Variants in PRORP observed in about 807,000 individuals in gnomAD.
PRORP encodes mitochondrial ribonuclease P catalytic subunit.
In PRORP, 51 loss-of-function variants were observed where a neutral mutation model predicts 59.4. The ratio of observed to expected loss-of-function variants is 0.86; its 90% CI spans 0.69 to 1.08. The LOEUF (loss-of-function observed/expected upper bound fraction) is 1.08. PRORP is among the 50% of genes least tolerant of loss of function. The pLI is 0.00. For synonymous variants in PRORP, 231 were observed against 245.6 expected (o/e 0.94, Z 0.55); for missense variants, 646 against 690.3 (o/e 0.94, Z 0.72).
chr14:35,159,449 G>C (rs1349766461), intron 4 of PRORP, among the ~76,000 whole-genome samples: 6 of 151,952 alleles, frequency 3.9e-5, no homozygotes, highest in Non-Finnish European at 8.8e-5. Context: ...CTTTGAACTT[G>C]TAGCATTTAT....
At chr14:35,240,294 CTTTTTT>C (rs3058452) in intron 5 of PRORP, among the ~76,000 whole-genome samples, 1 of 109,430 alleles carries the variant, frequency 9.1e-6, no homozygotes, top group African/African-American at 3.5e-5. Context: ...TTTAAACCAT[CTTTTTT>C]TTTTTTTTTT....
At chr14:35,270,227 A>G (rs1374866729) in intron 6 of PRORP, among the ~76,000 whole-genome samples, 174 bp from the exon 7 acceptor site, 1 of 152,182 alleles carries the variant, frequency 6.6e-6, no homozygotes. Flanking sequence ...TGTGTTCTAG[A>G]TAGTATTGCT....
chr14:35,138,113 G>A (rs2047412199), intron 4 of PRORP, among the ~76,000 whole-genome samples: 1 of 145,700 alleles, frequency 6.9e-6, no homozygotes, highest in Non-Finnish European at 1.5e-5. Flanking sequence ...TTGGCTTGCC[G>A]ATGGCTACCT....
At chr14:35,236,095 C>T (rs1311069433) in intron 5 of PRORP, among the ~76,000 whole-genome samples, 5 of 78,726 alleles carry the variant, frequency 6.4e-5, no homozygotes, top group African/African-American at 2.1e-4. Context: ...GACCCCATCT[C>T]CAAAAAAAAA....
intron 4 of PRORP, among the ~76,000 whole-genome samples, chr14:35,167,596 A>G (rs1007197886): frequency 2.6e-5 from 4 of 152,166 alleles, no homozygotes. Flanking sequence ...TAGCTACATT[A>G]AGGCAGTCAT....
Position 35,249,078 on chromosome 14 carries a change from T to C in PRORP, c.1276-17649T>C, listed in dbSNP as rs566664512. The stretch of plus-strand genomic sequence containing the variant: ...TTTTCCCTAAAGTGGTCTTGCGTTC[T>C]CTCAGTCTGTGGGAAATAATTGTCA... On this transcript the variant is annotated intron_variant, in intron 5 of 7. Transcript: ENST00000534898. Among the ~76,000 whole-genome samples the C allele has an allele frequency of 5.0e-3, 757 of 152,326 alleles. 7 individuals are homozygous for C. The highest frequency in any genetic ancestry group is 0.018 in the African/African-American group (730 of 41,580).
At chr14:35,262,760 C>T (rs966192842) in intron 5 of PRORP, 8 of 1,072,488 alleles carry the variant, frequency 7.5e-6, no homozygotes, top group Non-Finnish European at 1.2e-5. Context: ...ACTTCCCCAT[C>T]AATGTCGTTA....
intron 4 of PRORP, among the ~76,000 whole-genome samples, chr14:35,138,516 A>G (rs1311838804): frequency 6.9e-6 from 1 of 145,578 alleles, no homozygotes; most frequent in Non-Finnish European, 1.5e-5. Flanking sequence ...AATATGAGGT[A>G]TAAACCAAGG....
chr14:35,180,379 C>G (rs80005656), intron 4 of PRORP, among the ~76,000 whole-genome samples: 2 of 152,124 alleles, frequency 1.3e-5, no homozygotes, highest in African/African-American at 4.8e-5. Context: ...ATTTAGAAGT[C>G]TAGATAGGCC....
intron 5 of PRORP, among the ~76,000 whole-genome samples, chr14:35,202,528 T>C (rs191256219): frequency 6.6e-6 from 1 of 152,302 alleles, no homozygotes; most frequent in African/African-American, 2.4e-5. Flanking sequence ...AGGGCACAGA[T>C]AAAAGGAGAA....
intron 5 of PRORP, chr14:35,263,029 A>T: frequency 1.3e-6 from 2 of 1,580,146 alleles, no homozygotes; most frequent in Admixed American, 3.3e-5. Context: ...CAGCCGGCTG[A>T]TGAATAAGAT....
At chr14:35,253,768 AGTCTCTTTCTG>A (rs2050677805) in intron 5 of PRORP, among the ~76,000 whole-genome samples, 1 of 151,928 alleles carries the variant, frequency 6.6e-6, no homozygotes, top group Non-Finnish European at 1.5e-5. Context: ...TGCTCCTTAT[AGTCTCTTTCTG>A]AGAGACCACT....
chr14:35,132,277 G>C (rs1054741948), intron 4 of PRORP, among the ~76,000 whole-genome samples: 1 of 147,818 alleles, frequency 6.8e-6, no homozygotes, highest in Non-Finnish European at 1.5e-5. Context: ...GGCCAACGTG[G>C]TGAAACCCCG....
At chr14:35,205,312 G>A (rs760548291) in intron 5 of PRORP, among the ~76,000 whole-genome samples, 14 of 152,298 alleles carry the variant, frequency 9.2e-5, no homozygotes, top group Non-Finnish European at 1.3e-4. Context: ...CTCCTGAGTA[G>A]CTGGGATTAC....
At chr14:35,142,896 G>T (rs997370066) in intron 4 of PRORP, among the ~76,000 whole-genome samples, 1 of 144,784 alleles carries the variant, frequency 6.9e-6, no homozygotes, top group Non-Finnish European at 1.5e-5. Flanking sequence ...GTCCAGGCTG[G>T]TCTTGATGCC....
intron 5 of PRORP, among the ~76,000 whole-genome samples, chr14:35,233,002 TC>T (rs1240410878): frequency 6.6e-6 from 1 of 152,136 alleles, no homozygotes; most frequent in African/African-American, 2.4e-5. Flanking sequence ...AGGTAGGAGT[TC>T]CATTCCAAGG....
chr14:35,182,415 C>T (rs927643753), intron 5 of PRORP, among the ~76,000 whole-genome samples: 7 of 152,026 alleles, frequency 4.6e-5, no homozygotes, highest in African/African-American at 1.7e-4. Context: ...GAGGCCAAGG[C>T]GGGTGGATCA....
intron 5 of PRORP, among the ~76,000 whole-genome samples, chr14:35,228,268 CAT>C (rs2049987486): frequency 6.6e-6 from 1 of 152,186 alleles, no homozygotes; most frequent in African/African-American, 2.4e-5. Flanking sequence ...GAAAACATAA[CAT>C]GTAACTCTGA....
intron 5 of PRORP, among the ~76,000 whole-genome samples, chr14:35,221,264 G>T (rs1436915677): frequency 6.6e-6 from 1 of 151,934 alleles, no homozygotes; most frequent in African/African-American, 2.4e-5. Flanking sequence ...TTAAGATAAA[G>T]AATATTTTAA....
Sources: allele counts gnomAD v4.1 joint callset (sites outside exome capture counted in the v4.1 genomes callset), GRCh38; gene constraint gnomAD v4.1.1; transcripts MANE v1.5; gene names NCBI Gene and HGNC (gene_info 2026-07-23, HGNC 2026-07-21).